Variants in GKAP1 observed in about 807,000 individuals in gnomAD.
GKAP1 encodes the protein G kinase anchoring protein 1.
Under a neutral mutation model 56.7 loss-of-function variants are expected in GKAP1, and 31 were observed. That is an observed-to-expected ratio of 0.55 (90% CI 0.41 to 0.74). The LOEUF (loss-of-function observed/expected upper bound fraction) is 0.74, where lower values mean the gene tolerates loss of function less well. Ranked by LOEUF, GKAP1 falls within the 30% of genes least tolerant of loss-of-function variation. The pLI, the probability that GKAP1 is intolerant of heterozygous loss-of-function variation, is 0.00. For missense variants in GKAP1, 364 were observed against 402.3 expected, an observed-to-expected ratio of 0.90 and a Z score of 0.82; for synonymous variants, 151 against 138.6, an observed-to-expected ratio of 1.09 and a Z score of -0.63.
chr9:83,775,011 C>CT (rs76738284), intron 7 of GKAP1, among the ~76,000 whole-genome samples: 83,334 of 145,198 alleles, frequency 0.57, 24,081 homozygotes, highest in East Asian at 0.71. Context: ...CCGGCCCCTT[C>CT]TTTTTTTTTT....
intron 8 of GKAP1, among the ~76,000 whole-genome samples, chr9:83,768,474 G>T (rs992828415): frequency 3.9e-5 from 6 of 152,042 alleles, no homozygotes; most frequent in Non-Finnish European, 8.8e-5. Flanking sequence ...GCTGAATGAT[G>T]ATCCTTTTAC....
At chr9:83,756,992 A>C (rs1411281634) in intron 8 of GKAP1, among the ~76,000 whole-genome samples, 1 of 152,212 alleles carries the variant, frequency 6.6e-6, no homozygotes, top group Non-Finnish European at 1.5e-5. Context: ...TACTAAAATG[A>C]GGATGAAAAG....
At chr9:83,741,833 T>A in intron 12 of GKAP1, 119 bp downstream of exon 12, 1 of 625,044 alleles carries the variant, frequency 1.6e-6, no homozygotes, top group Non-Finnish European at 2.8e-6. Flanking sequence ...AATAAAATTA[T>A]CAATATATTT....
chr9:83,786,759 G>T lies in GKAP1; in HGVS notation c.438+1842C>A, dbSNP rs112404763. Among the ~76,000 whole-genome samples, 546 of 152,046 alleles carry T rather than the reference G, an allele frequency of 3.6e-3. 1 individual carries two copies. Among genetic ancestry groups the T allele is most frequent in the African/African-American group, 0.01 (429 of 41,462 alleles). On this transcript the variant is annotated intron_variant, in intron 5 of 12. Coordinates refer to ENST00000376371, the MANE Select transcript of GKAP1 (RefSeq NM_025211.4). The stretch of plus-strand genomic sequence containing the variant: ...CTCCCTTCTCTTAGTCATTATTGTC[G>T]GCTAAAATCAATGATTTTGAGTACT...
intron 4 of GKAP1, among the ~76,000 whole-genome samples, chr9:83,795,627 T>C (rs1205981573): frequency 7.2e-6 from 1 of 139,690 alleles, no homozygotes; most frequent in African/African-American, 2.6e-5. Flanking sequence ...GGTCTCGCTC[T>C]GTCACCCAGG....
At chr9:83,761,469 G>A (rs1365804551) in intron 8 of GKAP1, among the ~76,000 whole-genome samples, 1 of 152,116 alleles carries the variant, frequency 6.6e-6, no homozygotes, top group Non-Finnish European at 1.5e-5. Flanking sequence ...TGGCTTCACT[G>A]CTGAATTCTA....
At chr9:83,742,650 C>T in intron 10 of GKAP1, 50 bp from the exon 11 acceptor site, 1 of 1,149,014 alleles carries the variant, frequency 8.7e-7, no homozygotes, top group Non-Finnish European at 1.3e-6. Flanking sequence ...CACCCAAATA[C>T]TTCAACAATA....
chr9:83,806,582 G>C (rs974772355), intron 2 of GKAP1, 22 bp from the exon 3 acceptor site: 71 of 1,310,450 alleles, frequency 5.4e-5, no homozygotes, highest in Non-Finnish European at 7.4e-5. Context: ...CAGAAGAGTA[G>C]GCAGATGGGT....
rs1398239959 is a variant in GKAP1, at chr9:83,814,888, A to T, written c.-44+2108T>A. Among the ~76,000 whole-genome samples the T allele has an allele frequency of 2.0e-5, 3 of 152,338 alleles. No individual in the cohort carries two copies. The East Asian group carries it at 5.8e-4, about 29-fold the overall frequency. On this transcript the variant is annotated intron_variant, in intron 2 of 12. Coordinates refer to ENST00000376371, the MANE Select transcript of GKAP1 (RefSeq NM_025211.4). ...TATCTGGTTTTAAAGTGTTGATTTA[A>T]GCCAGCCGGGCATGGTGGCTCACGC...
intron 4 of GKAP1, 43 bp from the exon 5 acceptor site, chr9:83,788,721 A>G (rs1370917966): frequency 8.4e-7 from 1 of 1,190,430 alleles, no homozygotes; most frequent in Non-Finnish European, 1.2e-6. Context: ...GTATCATTAC[A>G]TCACATGAGC....
intron 4 of GKAP1, among the ~76,000 whole-genome samples, chr9:83,796,382 G>A (rs772784587): frequency 6.6e-6 from 1 of 152,178 alleles, no homozygotes; most frequent in Non-Finnish European, 1.5e-5. Context: ...AATTGGCTCA[G>A]CTTTCTTTAG....
intron 9 of GKAP1, 132 bp downstream of exon 9, chr9:83,753,126 G>A: frequency 1.7e-6 from 1 of 583,382 alleles, no homozygotes. Flanking sequence ...AACCATTAAA[G>A]AGTTTAAGAA....
intron 8 of GKAP1, 57 bp downstream of exon 8, chr9:83,768,761 A>G: frequency 1.3e-6 from 2 of 1,484,920 alleles, no homozygotes; most frequent in Non-Finnish European, 1.8e-6. Flanking sequence ...TGTTTAAAAA[A>G]TAAAAATTAC....
chr9:83,761,899 T>C (rs1313315684), intron 8 of GKAP1, among the ~76,000 whole-genome samples: 1 of 152,012 alleles, frequency 6.6e-6, no homozygotes, highest in African/African-American at 2.4e-5. Context: ...ATAGAAGGAA[T>C]ATACCTCAAC....
chr9:83,765,336 G>T (rs115755941), intron 8 of GKAP1, among the ~76,000 whole-genome samples: 1,552 of 152,342 alleles, frequency 0.01, 26 homozygotes, highest in African/African-American at 0.035. Flanking sequence ...GGATGTCCAG[G>T]TAGAGAGGTG....
chr9:83,747,670 C>G (rs1301172373), intron 10 of GKAP1, among the ~76,000 whole-genome samples: 2 of 149,622 alleles, frequency 1.3e-5, no homozygotes, highest in Non-Finnish European at 3.0e-5. Context: ...CAGTCTTGCT[C>G]TGTTCCCCAG....
At chr9:83,798,384 C>G (rs1020628649) in intron 4 of GKAP1, among the ~76,000 whole-genome samples, 1 of 152,150 alleles carries the variant, frequency 6.6e-6, no homozygotes, top group African/African-American at 2.4e-5. Flanking sequence ...AATGAGTTAT[C>G]TATTTTATTT....
rs1943698678 is a variant in GKAP1 at position 83,768,372 on chromosome 9, CCCA to C, written c.738+443_738+445del. Among the ~76,000 whole-genome samples the C allele has an allele frequency of 3.9e-5, 6 of 152,250 alleles. 1 individual carries two copies. In the South Asian group the frequency reaches 1.2e-3, roughly 32 times the overall value. On this transcript the variant is annotated intron_variant, in intron 8 of 12. Coordinates refer to ENST00000376371, the MANE Select transcript of GKAP1 (RefSeq NM_025211.4). ...CATCCCAAATGTCACTTTTTATATA[CCCA>C]CCACAATTCACCCAAGCAGTGATCA...
At chr9:83,775,085 C>A (rs1490675251) in intron 7 of GKAP1, among the ~76,000 whole-genome samples, 1 of 151,354 alleles carries the variant, frequency 6.6e-6, no homozygotes, top group East Asian at 1.9e-4. Context: ...CATAGCTCAT[C>A]CTGGAATTCC....
Sources: allele counts gnomAD v4.1 joint callset (sites outside exome capture counted in the v4.1 genomes callset), GRCh38; gene constraint gnomAD v4.1.1; transcripts MANE v1.5; gene names NCBI Gene and HGNC (gene_info 2026-07-23, HGNC 2026-07-21).